ADCY1: variants seen among roughly 807,000 people sequenced by gnomAD.
ADCY1 encodes the protein adenylate cyclase type 1.
In ADCY1, 28 loss-of-function variants were observed where a neutral mutation model predicts 105.4. That is an observed-to-expected ratio of 0.27 (90% CI 0.20 to 0.36). The LOEUF (loss-of-function observed/expected upper bound fraction) is 0.36, where lower values mean the gene tolerates loss of function less well. Among genes scored for constraint, ADCY1 ranks in the 10% least tolerant of loss-of-function variants. The pLI, the probability that ADCY1 is intolerant of heterozygous loss-of-function variation, is 1.00. For missense variants in ADCY1, 977 were observed against 1,434.2 expected (o/e 0.68, Z 5.15); for synonymous variants, 655 against 623.8 (o/e 1.05, Z -0.75).
At chr7:45,658,294 C>G (rs1188365653) in intron 6 of ADCY1, among the ~76,000 whole-genome samples, 4 of 152,222 alleles carry the variant, frequency 2.6e-5, no homozygotes, top group Non-Finnish European at 5.9e-5. Context: ...CCTTCTCCAC[C>G]CCCAAGCTCC....
chr7:45,601,246 T>C (rs75066525), intron 2 of ADCY1, among the ~76,000 whole-genome samples: 3,978 of 151,902 alleles, frequency 0.026, 104 homozygotes, highest in Middle Eastern at 0.037. Flanking sequence ...TTTCCTCCCT[T>C]CCCCCCCTGC....
At chr7:45,678,991 C>T (rs1784511548) in intron 10 of ADCY1, among the ~76,000 whole-genome samples, 1 of 152,130 alleles carries the variant, frequency 6.6e-6, no homozygotes, top group Non-Finnish European at 1.5e-5. Context: ...TAAAATCCCT[C>T]TTAAAAGGAA....
intron 2 of ADCY1, among the ~76,000 whole-genome samples, chr7:45,601,258 C>T (rs1584260614): frequency 6.6e-6 from 1 of 152,086 alleles, no homozygotes; most frequent in Non-Finnish European, 1.5e-5. Context: ...CCCCCCTGCT[C>T]TTACTTGAAC....
chr7:45,589,851 T>C (rs539429182), intron 1 of ADCY1, among the ~76,000 whole-genome samples: 285 of 152,046 alleles, frequency 1.9e-3, no homozygotes, highest in Admixed American at 3.9e-3. Context: ...TTGATGGCGC[T>C]TTTCCTTTCC....
In ADCY1 at chr7:45,686,444, G is replaced by A; in HGVS notation, c.2328-103G>A. 1 of 1,501,188 alleles carries A rather than the reference G, an allele frequency of 6.7e-7. No individual in the cohort carries two copies. Among genetic ancestry groups the A allele is most frequent in the Non-Finnish European group, 8.9e-7 (1 of 1,122,442 alleles). The allele number at this position is 1,501,188 out of a possible 1,614,324, so 93.0% of individuals were successfully genotyped here. A position where few individuals can be genotyped will look rare whatever the true frequency, so the allele number is the denominator to read the frequency against. On this transcript the variant is annotated intron_variant, in intron 13 of 19. Coordinates refer to ENST00000297323, the MANE Select transcript of ADCY1 (RefSeq NM_021116.4). The surrounding 1 kb of genome is among the most constrained non-coding windows in gnomAD (Gnocchi z 4.3). ...CAATCCCAGCAAGCTGTTTTTGGGT[G>A]TCACCACCTGAGGGTCACTCTGAAC...
chr7:45,705,177 T>C (rs556906210), intron 17 of ADCY1, among the ~76,000 whole-genome samples: 2 of 152,304 alleles, frequency 1.3e-5, no homozygotes, highest in Non-Finnish European at 2.9e-5. Flanking sequence ...CTCTACAATC[T>C]CTTCCAGAAG....
In ADCY1 at chr7:45,684,967, T is replaced by C; in HGVS notation, c.1984-12T>C. 1.9e-6 allele frequency: 3 copies of C among 1,610,080 alleles called. No individual in the cohort carries two copies. The Admixed American group carries it at 5.0e-5, about 27-fold the overall frequency. ...TCAGAGGGTATTTTCTAAATTAACATTTCTTATTCAGTGTTTTCCAGGGTG... is the reference window on the plus strand; with the variant it reads ...TCAGAGGGTATTTTCTAAATTAACACTTCTTATTCAGTGTTTTCCAGGGTG... On this transcript the variant is annotated splice_polypyrimidine_tract_variant and intron_variant, in intron 11 of 19. Coordinates refer to ENST00000297323, the MANE Select transcript of ADCY1 (RefSeq NM_021116.4).
rs548327582 is a variant in ADCY1 at position 45,599,896 on chromosome 7, G to A, written c.789+6988G>A. On this transcript the variant is annotated intron_variant, in intron 2 of 19. Coordinates refer to ENST00000297323, the MANE Select transcript of ADCY1 (RefSeq NM_021116.4). Reference sequence around the variant, plus strand: ...CCATCTCAGCCTCCCAAAGTGCCAAGATTAAAGGTGTGAGCCGCCTTGAGC... The same window carrying A: ...CCATCTCAGCCTCCCAAAGTGCCAAAATTAAAGGTGTGAGCCGCCTTGAGC... Among the ~76,000 whole-genome samples, 74 of 152,354 alleles carry A rather than the reference G, an allele frequency of 4.9e-4. No individual in the cohort carries two copies. In the East Asian group the frequency reaches 0.013, roughly 27 times the overall value.
At chr7:45,648,062 G>A (rs771267885) in intron 4 of ADCY1, among the ~76,000 whole-genome samples, 3 of 152,212 alleles carry the variant, frequency 2.0e-5, no homozygotes, top group Non-Finnish European at 4.4e-5. Context: ...CCTTCCATGT[G>A]CCCTGTGAGG....
intron 8 of ADCY1, chr7:45,664,556 A>G: frequency 7.7e-7 from 1 of 1,301,136 alleles, no homozygotes; most frequent in African/African-American, 1.5e-5. Context: ...GGAGAAAATG[A>G]AAAGCATTTA....
intron 2 of ADCY1, among the ~76,000 whole-genome samples, chr7:45,603,036 A>C (rs986120214): frequency 6.6e-6 from 1 of 152,238 alleles, no homozygotes; most frequent in African/African-American, 2.4e-5. Flanking sequence ...TGTTCTGGAC[A>C]TTTCATACAA....
chr7:45,600,399 A>T (rs1310469986), intron 2 of ADCY1, among the ~76,000 whole-genome samples: 1 of 152,232 alleles, frequency 6.6e-6, no homozygotes, highest in Non-Finnish European at 1.5e-5. Context: ...CAGAGCCACA[A>T]GTCAGGGAGA....
At chr7:45,594,832 C>T (rs939520961) in intron 2 of ADCY1, among the ~76,000 whole-genome samples, 6 of 152,206 alleles carry the variant, frequency 3.9e-5, no homozygotes, top group African/African-American at 1.2e-4. Context: ...ATCCAGTTAA[C>T]CCAGCCAAAT....
intron 4 of ADCY1, among the ~76,000 whole-genome samples, chr7:45,644,067 A>T (rs1039926707): frequency 6.6e-6 from 1 of 152,202 alleles, no homozygotes; most frequent in African/African-American, 2.4e-5. Context: ...CAGTCTTACA[A>T]AGTTAATTGG....
At chr7:45,642,018 C>T (rs184166978) in intron 4 of ADCY1, among the ~76,000 whole-genome samples, 16 of 150,712 alleles carry the variant, frequency 1.1e-4, no homozygotes, top group Middle Eastern at 3.4e-3. Flanking sequence ...GATTGTCTTG[C>T]GAGATTTTAA....
rs931244789 is a variant in ADCY1, at chr7:45,715,794, G to C, written c.*1799G>C. On this transcript the variant is annotated 3_prime_UTR_variant, in exon 20 of 20. Transcript: ENST00000297323. ...AGAGGTGGGCAGGGTGGATGGCTTC[G>C]GGCAGGGAAGGCGGGTAGAGGCTGC... 1 of 152,884 alleles carries C rather than the reference G, an allele frequency of 6.5e-6. No individual in the cohort carries two copies. The highest frequency in any genetic ancestry group is 1.9e-4 in the East Asian group (1 of 5,220). The allele number at this position is 152,884 out of a possible 1,614,324, so 9.5% of individuals were successfully genotyped here.
At position 45,717,155 on chromosome 7, in the gene ADCY1, A is replaced by G. The variant is rs1785372858; in HGVS notation, c.*3160A>G. On this transcript the variant is annotated 3_prime_UTR_variant, in exon 20 of 20. Transcript: ENST00000297323. ...CAGAGCCGGGAGGTCACACATGTAC[A>G]TCCTGGAAGCTGCCCAAGGTGTGGC... is the stretch of plus-strand genomic sequence containing the variant. 1 of 152,138 alleles carries G rather than the reference A, an allele frequency of 6.6e-6. No individual in the cohort carries two copies. The highest frequency in any genetic ancestry group is 1.5e-5 in the Non-Finnish European group (1 of 68,064). 9.4% of individuals were successfully genotyped at this position (152,138 alleles called of 1,614,324 possible).
upstream of ADCY1, chr7:45,574,309 C>G (rs1010162905): frequency 4.6e-6 from 1 of 217,064 alleles, no homozygotes; most frequent in African/African-American, 2.4e-5. The surrounding 1 kb of genome is among the most constrained non-coding windows in gnomAD (Gnocchi z 7.0). Flanking sequence ...CGGTCGCCGC[C>G]GAGGACCACG....
intron 10 of ADCY1, 135 bp downstream of exon 10, chr7:45,678,398 A>C: frequency 1.2e-6 from 1 of 818,724 alleles, no homozygotes; most frequent in Non-Finnish European, 2.0e-6. Context: ...TATTGTCCCA[A>C]TGTGCCCAAC....
Sources: allele counts gnomAD v4.1 joint callset (sites outside exome capture counted in the v4.1 genomes callset), GRCh38; gene constraint gnomAD v4.1.1; non-coding constraint Gnocchi (gnomAD v3.1); transcripts MANE v1.5; gene names NCBI Gene and HGNC (gene_info 2026-07-23, HGNC 2026-07-21).